The following GAS2 variants were observed in gnomAD, a reference collection of about 807,000 sequenced individuals.
GAS2 encodes the protein growth arrest-specific protein 2.
Under a neutral mutation model 37.5 loss-of-function variants are expected in GAS2, and 20 were observed. The ratio of observed to expected loss-of-function variants is 0.53; its 90% CI spans 0.37 to 0.77. The LOEUF (loss-of-function observed/expected upper bound fraction) is 0.77, where lower values mean the gene tolerates loss of function less well. Ranked by LOEUF, GAS2 falls within the 30% of genes least tolerant of loss-of-function variation. The pLI, the probability that GAS2 is intolerant of heterozygous loss-of-function variation, is 0.00. For synonymous variants in GAS2, 144 were observed against 132.2 expected (o/e 1.09, Z -0.61); for missense variants, 336 against 373.4 (o/e 0.90, Z 0.82).
chr11:22,662,495 A>G (rs1269201760), upstream of GAS2, among the ~76,000 whole-genome samples: 1 of 152,214 alleles, frequency 6.6e-6, no homozygotes, highest in Non-Finnish European at 1.5e-5. Context: ...GATATTCTAC[A>G]TGCCAGAGAT....
At chr11:22,707,629 G>A (rs1464558708) in intron 3 of GAS2, among the ~76,000 whole-genome samples, 1 of 152,094 alleles carries the variant, frequency 6.6e-6, no homozygotes, top group Non-Finnish European at 1.5e-5. Flanking sequence ...TCCAAACATG[G>A]TGCAAAAAAA....
chr11:22,801,530 A>G (rs749230179), intron 7 of GAS2, among the ~76,000 whole-genome samples: 20 of 152,036 alleles, frequency 1.3e-4, no homozygotes, highest in Non-Finnish European at 2.4e-4. Flanking sequence ...TAAAACATAG[A>G]TAGTGACTTA....
intron 1 of GAS2, among the ~76,000 whole-genome samples, chr11:22,659,178 G>A (rs537813474): frequency 6.6e-6 from 1 of 152,174 alleles, no homozygotes; most frequent in African/African-American, 2.4e-5. Flanking sequence ...GGCGATTAAT[G>A]TGTGAAACTA....
intron 1 of GAS2, among the ~76,000 whole-genome samples, chr11:22,652,919 T>G (rs1203515383): frequency 6.6e-6 from 1 of 151,232 alleles, no homozygotes; most frequent in Non-Finnish European, 1.5e-5. Flanking sequence ...ACCGGAGCGG[T>G]TCCTATTCGG....
At chr11:22,679,002 T>G (rs2133909001) in intron 2 of GAS2, among the ~76,000 whole-genome samples, 1 of 152,224 alleles carries the variant, frequency 6.6e-6, no homozygotes, top group South Asian at 2.1e-4. Context: ...ACCAGCTATC[T>G]TGTAATGTTA....
Position 22,690,130 on chromosome 11 carries a change from CT to C in GAS2, c.267+4342del, listed in dbSNP as rs576538144. On this transcript the variant is annotated intron_variant, in intron 3 of 7. Coordinates refer to ENST00000454584, the MANE Select transcript of GAS2 (RefSeq NM_001143830.3). ...GATAGTTAATTTGGAGATTTTACAG[CT>C]GTGTAAACAAATTTGAACGAGTAAG... Among the ~76,000 whole-genome samples the C allele has an allele frequency of 2.5e-3, 386 of 152,160 alleles. 3 individuals are homozygous for C. The highest frequency in any genetic ancestry group is 8.9e-3 in the African/African-American group (370 of 41,506).
At position 22,812,898 on chromosome 11, in the gene GAS2, C is replaced by T. The variant is rs561419648; in HGVS notation, c.*882C>T. The T allele has an allele frequency of 6.6e-6, 1 of 152,654 alleles. No homozygotes were observed. The highest frequency in any genetic ancestry group is 1.9e-4 in the East Asian group (1 of 5,188). 9.5% of individuals were successfully genotyped at this position (152,654 alleles called of 1,614,324 possible). On this transcript the variant is annotated 3_prime_UTR_variant, in exon 8 of 8. Coordinates refer to ENST00000454584, the MANE Select transcript of GAS2 (RefSeq NM_001143830.3). ...TGTAGCTAATGATGTTACAGACTTA[C>T]GTATACCCTTGTATACCTGGGACAG...
At chr11:22,780,775 G>A (rs992353958) in intron 7 of GAS2, among the ~76,000 whole-genome samples, 2 of 151,552 alleles carry the variant, frequency 1.3e-5, no homozygotes, top group East Asian at 3.9e-4. Flanking sequence ...GTCCAAGGTG[G>A]TTCTGTGTCT....
chr11:22,701,814 G>T (rs886699383), intron 3 of GAS2, among the ~76,000 whole-genome samples: 1 of 152,152 alleles, frequency 6.6e-6, no homozygotes, highest in African/African-American at 2.4e-5. Context: ...GGACAATGGA[G>T]TGAGACTCTG....
chr11:22,682,790 G>A (rs1027201965), intron 2 of GAS2, among the ~76,000 whole-genome samples: 2 of 147,230 alleles, frequency 1.4e-5, no homozygotes, highest in African/African-American at 2.5e-5. Context: ...AGGTTGCAGT[G>A]AGCCAAGATC....
chr11:22,799,096 G>T (rs1022187231), intron 7 of GAS2, among the ~76,000 whole-genome samples: 1 of 152,018 alleles, frequency 6.6e-6, no homozygotes, highest in Non-Finnish European at 1.5e-5. Context: ...GATATCCCAG[G>T]GGGCTGAACA....
At chr11:22,668,012 A>G (rs1565073824) in intron 1 of GAS2, 1 of 152,190 alleles carries the variant, frequency 6.6e-6, no homozygotes, top group Non-Finnish European at 1.5e-5. Context: ...GCACAGGAAC[A>G]CCCATTTGAC....
chr11:22,639,260 A>T (rs1858880333), intron 1 of GAS2, among the ~76,000 whole-genome samples: 1 of 152,176 alleles, frequency 6.6e-6, no homozygotes, highest in Non-Finnish European at 1.5e-5. Context: ...TCCTCATATG[A>T]TATTGAGTAA....
chr11:22,790,071 C>G (rs1856067536), intron 7 of GAS2, among the ~76,000 whole-genome samples: 1 of 152,166 alleles, frequency 6.6e-6, no homozygotes, highest in African/African-American at 2.4e-5. Context: ...GTACCCCTAC[C>G]TACTCTACCT....
chr11:22,767,365 A>G (rs1228500205), intron 7 of GAS2, among the ~76,000 whole-genome samples: 6 of 152,026 alleles, frequency 3.9e-5, no homozygotes, highest in Non-Finnish European at 7.4e-5. Context: ...TTTTTAAAAA[A>G]CTTTGTATAA....
chr11:22,712,841 C>T (rs1851473113), intron 3 of GAS2, among the ~76,000 whole-genome samples: 1 of 151,884 alleles, frequency 6.6e-6, no homozygotes, highest in African/African-American at 2.4e-5. Flanking sequence ...CTTTAGGAGG[C>T]CAAGGCAGGT....
rs150543301 is a variant in GAS2, at chr11:22,714,679, G to A, written c.268-11613G>A. Among the ~76,000 whole-genome samples, 8 of 152,312 alleles carry A rather than the reference G, an allele frequency of 5.3e-5. 1 individual carries two copies. The highest frequency in any genetic ancestry group is 1.9e-4 in the African/African-American group (8 of 41,548). ...ATATCAAGTACTCTCTCAGCCCACA[G>A]TGGAATAAAATTGGAAAATAACTCC... On this transcript the variant is annotated intron_variant, in intron 3 of 7. Coordinates refer to ENST00000454584, the MANE Select transcript of GAS2 (RefSeq NM_001143830.3).
chr11:22,698,704 G>C (rs977405236), intron 3 of GAS2, among the ~76,000 whole-genome samples: 1 of 151,976 alleles, frequency 6.6e-6, no homozygotes, highest in African/African-American at 2.4e-5. Context: ...GGGATGCAAG[G>C]CTGGTTCAAT....
intron 7 of GAS2, among the ~76,000 whole-genome samples, chr11:22,769,128 A>C (rs1048264187): frequency 6.6e-6 from 1 of 152,200 alleles, no homozygotes; most frequent in African/African-American, 2.4e-5. Flanking sequence ...TCCACCTGGT[A>C]GGACTTAACC....
Sources: gnomAD v4.1 joint callset for allele counts (sites outside exome capture counted in the v4.1 genomes callset) on GRCh38, gnomAD v4.1.1 for gene constraint, MANE v1.5 for transcripts, NCBI Gene and HGNC (gene_info 2026-07-23, HGNC 2026-07-21) for gene names.